The following PURG variants were observed in gnomAD, a reference collection of about 807,000 sequenced individuals.
PURG encodes the protein purine-rich element-binding protein gamma.
Under a neutral mutation model 24.3 loss-of-function variants are expected in PURG, and 3 were observed. The observed-to-expected ratio is 0.12, with a 90% CI of 0.06 to 0.32. PURG has a LOEUF of 0.32. Among genes scored for constraint, PURG ranks in the 10% least tolerant of loss-of-function variants. PURG has a pLI of 1.00. For synonymous variants in PURG, 180 were observed against 173.1 expected (o/e 1.04, Z -0.31); for missense variants, 371 against 439.1 (o/e 0.84, Z 1.39).
chr8:31,005,360 G>T (rs1007886843), intron 1 of PURG, among the ~76,000 whole-genome samples: 1 of 151,830 alleles, frequency 6.6e-6, no homozygotes, highest in Non-Finnish European at 1.5e-5. Context: ...TTAAAGCTGG[G>T]AGGTGGGGGT....
At chr8:31,012,166 G>A (rs1046959211) in intron 1 of PURG, among the ~76,000 whole-genome samples, 14 of 152,114 alleles carry the variant, frequency 9.2e-5, no homozygotes, top group African/African-American at 3.1e-4. Flanking sequence ...AACTGTCTCT[G>A]CTTTTAAACT....
At chr8:31,024,152 T>C (rs537499891) in intron 1 of PURG, among the ~76,000 whole-genome samples, 7 of 152,356 alleles carry the variant, frequency 4.6e-5, no homozygotes, top group African/African-American at 1.7e-4. Flanking sequence ...TTATTTTGTG[T>C]GGCTAAAGAA....
At chr8:31,013,735 C>CA (rs1428345349) in intron 1 of PURG, among the ~76,000 whole-genome samples, 1 of 152,086 alleles carries the variant, frequency 6.6e-6, no homozygotes, top group Non-Finnish European at 1.5e-5. Flanking sequence ...GAAACTGTCT[C>CA]AAAAAATAAA....
chr8:31,015,772 C>G (rs771185814), intron 1 of PURG, among the ~76,000 whole-genome samples: 1 of 152,016 alleles, frequency 6.6e-6, no homozygotes, highest in Admixed American at 6.6e-5. Flanking sequence ...GAGCCCTGGC[C>G]GGGTGCAGTG....
chr8:31,022,715 G>A (rs1276254935), intron 1 of PURG, among the ~76,000 whole-genome samples: 2 of 152,208 alleles, frequency 1.3e-5, no homozygotes, highest in African/African-American at 4.8e-5. Flanking sequence ...ATTATAACAT[G>A]AGATACCCTT....
At chr8:31,000,851 TA>T (rs1275454593) in intron 1 of PURG, among the ~76,000 whole-genome samples, 1 of 152,124 alleles carries the variant, frequency 6.6e-6, no homozygotes, top group Admixed American at 6.6e-5. Flanking sequence ...TAACAAACTT[TA>T]AAAACATTAA....
rs1278366791 is a variant in PURG, at chr8:31,031,294, A to T, written c.*445T>A. 1 of 159,138 alleles carries T rather than the reference A, an allele frequency of 6.3e-6. No individual in the cohort carries two copies. The allele number at this position is 159,138 out of a possible 1,614,324, so 9.9% of individuals were successfully genotyped here. A position where few individuals can be genotyped will look rare whatever the true frequency, so the allele number is the denominator to read the frequency against. ...AAATATTTATATATACCGGAGGTCAATTTCTGTTTCTGTGGTAACTGCCCT... is the reference window on the plus strand; with the variant it reads ...AAATATTTATATATACCGGAGGTCATTTTCTGTTTCTGTGGTAACTGCCCT... On this transcript the variant is annotated 3_prime_UTR_variant, in exon 2 of 2. Coordinates refer to ENST00000523392, the MANE Select transcript of PURG (RefSeq NM_001323311.2).
intron 1 of PURG, among the ~76,000 whole-genome samples, chr8:31,006,547 C>CAAAAAT (rs2129786513): frequency 1.3e-5 from 2 of 152,092 alleles, no homozygotes; most frequent in South Asian, 4.2e-4. Context: ...AAAACAAAAA[C>CAAAAAT]ACCCTATCAT....
chr8:31,032,813 G>C lies in PURG; in HGVS notation c.-6-25C>G. ...GCTGCAAGTAACAAACAGACACACGGGATGGGGTGGGGGAGGGGTGTTGAG... is the reference window on the plus strand; with the variant it reads ...GCTGCAAGTAACAAACAGACACACGCGATGGGGTGGGGGAGGGGTGTTGAG... On this transcript the variant is annotated intron_variant, in intron 1 of 1. Transcript: ENST00000523392. This position sits in a 1 kb window ranked among gnomAD's most constrained non-coding sequence, Gnocchi z 5.9. The C allele has an allele frequency of 7.3e-7, 1 of 1,379,218 alleles. No individual in the cohort carries two copies. Among genetic ancestry groups the C allele is most frequent in the Non-Finnish European group, 9.4e-7 (1 of 1,062,462 alleles). 85.4% of individuals were successfully genotyped at this position (1,379,218 alleles called of 1,614,324 possible).
chr8:30,998,838 A>G (rs1488258842), intron 1 of PURG, among the ~76,000 whole-genome samples: 1 of 151,872 alleles, frequency 6.6e-6, no homozygotes, highest in Admixed American at 6.6e-5. Flanking sequence ...CTTTACATTT[A>G]AAATGATCAT....
chr8:31,023,660 T>TA (rs1034906065), intron 1 of PURG, among the ~76,000 whole-genome samples: 2 of 151,720 alleles, frequency 1.3e-5, no homozygotes, highest in East Asian at 1.9e-4. Context: ...TTCTTAAGGC[T>TA]AAAAAAAACC....
At chr8:31,024,497 C>G (rs2129835317) in intron 1 of PURG, among the ~76,000 whole-genome samples, 1 of 152,240 alleles carries the variant, frequency 6.6e-6, no homozygotes, top group South Asian at 2.1e-4. Flanking sequence ...AAAGGTTAAA[C>G]AGAGGTTGAG....
intron 1 of PURG, among the ~76,000 whole-genome samples, chr8:31,002,214 T>C (rs1418841461): frequency 6.6e-6 from 1 of 152,226 alleles, no homozygotes; most frequent in Non-Finnish European, 1.5e-5. Flanking sequence ...TGTAAAAAGA[T>C]AATAATTATA....
intron 1 of PURG, among the ~76,000 whole-genome samples, chr8:30,997,487 C>T (rs1231197501): frequency 6.6e-6 from 1 of 151,700 alleles, no homozygotes; most frequent in Admixed American, 6.6e-5. Flanking sequence ...GGATAGACCT[C>T]TGATAAACTT....
chr8:31,009,101 T>G (rs1810714291), intron 1 of PURG, among the ~76,000 whole-genome samples: 1 of 152,176 alleles, frequency 6.6e-6, no homozygotes, highest in Non-Finnish European at 1.5e-5. Context: ...ATTTAGCCAA[T>G]ATGAAACTTC....
chr8:31,022,588 T>C (rs1053705160), intron 1 of PURG, among the ~76,000 whole-genome samples: 4 of 152,186 alleles, frequency 2.6e-5, no homozygotes, highest in African/African-American at 4.8e-5. Context: ...AGTGGGTCCA[T>C]GTGATAGTGA....
At chr8:31,000,356 T>G (rs1252713913) in intron 1 of PURG, among the ~76,000 whole-genome samples, 1 of 152,190 alleles carries the variant, frequency 6.6e-6, no homozygotes. Flanking sequence ...AATGAAGATC[T>G]CTTACTCATG....
downstream of PURG, among the ~76,000 whole-genome samples, chr8:31,027,927 A>G (rs1345654851): frequency 6.6e-6 from 1 of 151,724 alleles, no homozygotes; most frequent in Non-Finnish European, 1.5e-5. Context: ...GGTTCCTTGC[A>G]TTTCCTTAAC....
chr8:31,000,281 T>G (rs1027546780), intron 1 of PURG, among the ~76,000 whole-genome samples: 1 of 152,026 alleles, frequency 6.6e-6, no homozygotes, highest in Non-Finnish European at 1.5e-5. Flanking sequence ...GTGGAACAAA[T>G]AAAATAATAT....
Sources: gnomAD v4.1 joint callset for allele counts (sites outside exome capture counted in the v4.1 genomes callset) on GRCh38, gnomAD v4.1.1 for gene constraint, Gnocchi (gnomAD v3.1) non-coding constraint, MANE v1.5 for transcripts, NCBI Gene and HGNC (gene_info 2026-07-23, HGNC 2026-07-21) for gene names.